KCTD1: variants seen among roughly 807,000 people sequenced by gnomAD.
KCTD1 encodes the protein BTB/POZ domain-containing protein KCTD1.
KCTD1 carries 24 observed loss-of-function variants against 66.0 expected under a neutral mutation model. That is an observed-to-expected ratio of 0.36 (90% confidence interval 0.26 to 0.51). The LOEUF is 0.51. Ranked by LOEUF, KCTD1 falls within the 20% of genes least tolerant of loss-of-function variation. The probability of loss-of-function intolerance (pLI) is 0.95; values close to 1 mark genes in which losing one functional copy is unlikely to be tolerated. For synonymous variants in KCTD1, 511 were observed against 517.2 expected, an observed-to-expected ratio of 0.99 and a Z score of 0.16; for missense variants, 943 against 1,205.2, an observed-to-expected ratio of 0.78 and a Z score of 3.22.
intron 2 of KCTD1, among the ~76,000 whole-genome samples, chr18:26,478,555 T>C (rs1422967973): frequency 6.6e-6 from 1 of 152,262 alleles, no homozygotes; most frequent in Admixed American, 6.5e-5. Context: ...AGGTATTTTG[T>C]TCTTTTAAAA....
In KCTD1 at chr18:26,468,840, T is replaced by C. The variant is rs1214440339; in HGVS notation, c.2133+7675A>G. The stretch of plus-strand genomic sequence containing the variant: ...CCAGCCTGGGCGACAGAGCAAGACT[T>C]TGTCTCAAAGAAACCAAAAAACCCC... On this transcript the variant is annotated intron_variant, in intron 3 of 4. Transcript: ENST00000580059. The surrounding 1 kb of genome is among the most constrained non-coding windows in gnomAD (Gnocchi z 4.8). 1.3e-5 allele frequency among the ~76,000 whole-genome samples: 2 copies of C among 152,036 alleles called. No homozygotes were observed. The highest frequency in any genetic ancestry group is 3.9e-4 in the East Asian group (2 of 5,170).
At chr18:26,635,926 C>A (rs989683342) in intron 1 of KCTD1, among the ~76,000 whole-genome samples, 6 of 152,126 alleles carry the variant, frequency 3.9e-5, no homozygotes, top group Non-Finnish European at 5.9e-5. Flanking sequence ...CACTTCTAGT[C>A]ACGCCAGGGT....
intron 1 of KCTD1, among the ~76,000 whole-genome samples, chr18:26,620,489 T>A (rs1183119587): frequency 7.6e-6 from 1 of 132,340 alleles, no homozygotes; most frequent in Non-Finnish European, 1.5e-5. Context: ...CAGGCTGGAG[T>A]GTGGTGGTGC....
At chr18:26,633,507 G>T (rs971249210), upstream of KCTD1, among the ~76,000 whole-genome samples, 1 of 152,018 alleles carries the variant, frequency 6.6e-6, no homozygotes, top group Non-Finnish European at 1.5e-5. Flanking sequence ...ATTATTATTT[G>T]TCAATTAAAC....
chr18:26,594,038 TATGTGGAAGAAGAA>T (rs1440383933), intron 1 of KCTD1, among the ~76,000 whole-genome samples: 24 of 152,232 alleles, frequency 1.6e-4, no homozygotes, highest in African/African-American at 5.8e-4. Flanking sequence ...TGCCTTCACT[TATGTGGAAGAAGAA>T]ATCACATTAG....
chr18:26,548,258 T>C lies in KCTD1; in HGVS notation c.279A>G (p.Glu93=), dbSNP rs865831459. The change falls in exon 1 of 5, where the codon GAA becomes GAG. Residue 93 remains glutamate, a synonymous_variant. Transcript: ENST00000580059. ...CCCAGTCCAGCCCCATCTCCTCCTC[T>C]TCCTCCTCCTCCTCGTCCTCCTCCA... The part of the protein sequence containing the change: ...GGLEEDEEEE[E]EEEMGLDWDE... 8 of 1,508,282 alleles carry C rather than the reference T, an allele frequency of 5.3e-6. No individual in the cohort carries two copies. The Admixed American group carries it at 6.1e-5, about 11-fold the overall frequency. The allele number at this position is 1,508,282 out of a possible 1,614,324, so 93.4% of individuals were successfully genotyped here.
intron 1 of KCTD1, among the ~76,000 whole-genome samples, chr18:26,584,912 C>T (rs774118793): frequency 1.3e-5 from 2 of 152,106 alleles, no homozygotes; most frequent in Non-Finnish European, 2.9e-5. Flanking sequence ...GGCAGAGAGA[C>T]GGCAGCTCCC....
chr18:26,591,702 C>A lies in KCTD1; in HGVS notation c.-16+37445G>T, dbSNP rs146052540. Among the ~76,000 whole-genome samples, 11 of 152,246 alleles carry A rather than the reference C, an allele frequency of 7.2e-5. No individual in the cohort carries two copies. In the East Asian group the frequency reaches 1.9e-3, roughly 27 times the overall value. On this transcript the variant is annotated intron_variant, in intron 1 of 4. Transcript: ENST00000317932. ...TAAGCTGTACAAATTTTCTAGTTAC[C>A]CTTAAGTCCTGCCTAAGGCAATCAA...
chr18:26,472,748 G>C (rs1219377402), intron 3 of KCTD1, among the ~76,000 whole-genome samples: 1 of 152,222 alleles, frequency 6.6e-6, no homozygotes, highest in Admixed American at 6.5e-5. Flanking sequence ...CCTGGGCAGG[G>C]ACCCAGCTTC....
intron 1 of KCTD1, among the ~76,000 whole-genome samples, chr18:26,563,150 G>T (rs1985900580): frequency 6.6e-6 from 1 of 152,076 alleles, no homozygotes; most frequent in African/African-American, 2.4e-5. Flanking sequence ...CACTAATTCA[G>T]GCCACTTCTG....
At chr18:26,594,282 C>G (rs1200072891) in intron 1 of KCTD1, among the ~76,000 whole-genome samples, 1 of 152,182 alleles carries the variant, frequency 6.6e-6, no homozygotes, top group African/African-American at 2.4e-5. Context: ...GATCACTTGT[C>G]TGCAAATGTA....
chr18:26,550,557 G>GACACACACAC (rs907937404), upstream of KCTD1, among the ~76,000 whole-genome samples: 123 of 83,670 alleles, frequency 1.5e-3, no homozygotes, highest in African/African-American at 6.8e-3. The surrounding 1 kb of genome is among the most constrained non-coding windows in gnomAD (Gnocchi z 5.4). Flanking sequence ...GGAAACACAA[G>GACACACACAC]ACACACAGAC....
At chr18:26,471,150 C>G (rs577641558) in intron 3 of KCTD1, among the ~76,000 whole-genome samples, 1 of 152,130 alleles carries the variant, frequency 6.6e-6, no homozygotes, top group Non-Finnish European at 1.5e-5. Flanking sequence ...ATACAGCCCC[C>G]CCAGGTCTCC....
upstream of KCTD1, chr18:26,549,021 A>C: frequency 4.1e-6 from 4 of 984,678 alleles, no homozygotes; most frequent in Non-Finnish European, 4.8e-6. Context: ...TGCCCCCCGG[A>C]GCCGGGGGGT....
chr18:26,635,295 AAG>A (rs1987700733), intron 1 of KCTD1, among the ~76,000 whole-genome samples: 1 of 152,352 alleles, frequency 6.6e-6, no homozygotes, highest in South Asian at 2.1e-4. Flanking sequence ...TAGGAATGAT[AAG>A]AGTTTCCCTG....
At chr18:26,610,528 T>C (rs567567142) in intron 1 of KCTD1, among the ~76,000 whole-genome samples, 10 of 151,124 alleles carry the variant, frequency 6.6e-5, no homozygotes, top group Non-Finnish European at 1.5e-4. Flanking sequence ...CAGTGAGCTA[T>C]GACAGCGCCA....
intron 3 of KCTD1, among the ~76,000 whole-genome samples, chr18:26,460,360 A>G (rs1980353313): frequency 6.6e-6 from 1 of 152,216 alleles, no homozygotes; most frequent in African/African-American, 2.4e-5. Context: ...TCTTGGATGG[A>G]ACGCATATAT....
At chr18:26,457,613 A>G (rs1980163786) in intron 4 of KCTD1, 1 of 152,240 alleles carries the variant, frequency 6.6e-6, no homozygotes, top group East Asian at 1.9e-4. Context: ...AATGTGATCC[A>G]ATGTTACCTT....
intron 3 of KCTD1, among the ~76,000 whole-genome samples, chr18:26,469,170 GTT>G (rs11336950): frequency 1.2e-4 from 17 of 146,264 alleles, no homozygotes; most frequent in African/African-American, 2.0e-4. Flanking sequence ...ACATGCTTTT[GTT>G]TTTTTTTTTT....
Sources: allele counts gnomAD v4.1 joint callset (sites outside exome capture counted in the v4.1 genomes callset), GRCh38; gene constraint gnomAD v4.1.1; non-coding constraint Gnocchi (gnomAD v3.1); transcripts MANE v1.5; gene names NCBI Gene and HGNC (gene_info 2026-07-23, HGNC 2026-07-21).